The following TJP1 variants were observed in gnomAD, a reference collection of about 807,000 sequenced individuals.
TJP1 encodes the protein tight junction protein ZO-1.
A neutral mutation model predicts 194.2 loss-of-function variants in TJP1; 43 were observed. The ratio of observed to expected loss-of-function variants is 0.22; its 90% CI spans 0.17 to 0.29. The LOEUF (loss-of-function observed/expected upper bound fraction) is 0.29. TJP1 is among the 10% of genes least tolerant of loss of function. The pLI, the probability that TJP1 is intolerant of heterozygous loss-of-function variation, is 1.00. For synonymous variants in TJP1, 801 were observed against 779.0 expected (o/e 1.03, Z -0.47); for missense variants, 1,971 against 2,185.7 (o/e 0.90, Z 1.96).
chr15:29,727,722 CTTGTT>C (rs1425654079), intron 16 of TJP1, among the ~76,000 whole-genome samples: 1 of 152,144 alleles, frequency 6.6e-6, no homozygotes, highest in Non-Finnish European at 1.5e-5. Context: ...AAATCATACA[CTTGTT>C]TTGTGGTAAT....
chr15:29,769,692 G>C (rs138878024), intron 4 of TJP1, among the ~76,000 whole-genome samples: 1 of 152,164 alleles, frequency 6.6e-6, no homozygotes, highest in African/African-American at 2.4e-5. Context: ...TATCACCTAG[G>C]GACGCCACAG....
At chr15:29,758,048 T>A (rs528728780) in intron 8 of TJP1, among the ~76,000 whole-genome samples, 1 of 152,352 alleles carries the variant, frequency 6.6e-6, no homozygotes, top group African/African-American at 2.4e-5. Flanking sequence ...CTCTTATGAT[T>A]TTCTTATTAA....
intron 2 of TJP1, among the ~76,000 whole-genome samples, chr15:29,854,824 C>T (rs2051783246): frequency 1.3e-5 from 2 of 152,070 alleles, no homozygotes; most frequent in South Asian, 4.2e-4. Flanking sequence ...GCTTATGTAA[C>T]CATGAGACCT....
intron 2 of TJP1, among the ~76,000 whole-genome samples, chr15:29,942,202 C>T (rs1358254746): frequency 6.6e-6 from 1 of 152,176 alleles, no homozygotes; most frequent in East Asian, 1.9e-4. Context: ...GAATAAAATT[C>T]TGCCTAAAGT....
At chr15:29,931,790 A>C (rs947631932) in intron 2 of TJP1, among the ~76,000 whole-genome samples, 105 of 152,366 alleles carry the variant, frequency 6.9e-4, no homozygotes, top group Middle Eastern at 3.4e-3. Flanking sequence ...AGGAAAGTAA[A>C]GGAATAAAAG....
intron 2 of TJP1, among the ~76,000 whole-genome samples, chr15:29,911,980 G>A (rs887058730): frequency 1.3e-5 from 2 of 152,054 alleles, no homozygotes; most frequent in African/African-American, 4.8e-5. Flanking sequence ...TAGTCACCTG[G>A]GCTGCTATAA....
At chr15:29,816,299 G>A (rs577757780) in intron 1 of TJP1, among the ~76,000 whole-genome samples, 20 of 152,204 alleles carry the variant, frequency 1.3e-4, no homozygotes, top group African/African-American at 3.9e-4. Flanking sequence ...AAAGTGCAGG[G>A]ATTACATGCT....
At chr15:29,715,865 G>A (rs779177362) in intron 23 of TJP1, among the ~76,000 whole-genome samples, 15 of 152,104 alleles carry the variant, frequency 9.9e-5, no homozygotes, top group Non-Finnish European at 1.9e-4. Context: ...AATTTCTTTT[G>A]ACAAATCCAC....
At chr15:29,768,522 G>A (rs1158066416) in intron 4 of TJP1, among the ~76,000 whole-genome samples, 1 of 152,166 alleles carries the variant, frequency 6.6e-6, no homozygotes, top group Non-Finnish European at 1.5e-5. Flanking sequence ...ATTCCTGTAA[G>A]AGTGCGCCAC....
intron 1 of TJP1, among the ~76,000 whole-genome samples, chr15:29,957,250 C>T (rs1324144215): frequency 6.6e-6 from 1 of 152,144 alleles, no homozygotes; most frequent in Non-Finnish European, 1.5e-5. Context: ...CATATACATA[C>T]AGACACAGTA....
chr15:29,897,679 G>T (rs986537475), intron 2 of TJP1, among the ~76,000 whole-genome samples: 1 of 152,198 alleles, frequency 6.6e-6, no homozygotes, highest in African/African-American at 2.4e-5. Context: ...GGACAGAGCT[G>T]CCCAAGACCA....
At chr15:29,806,414 C>G (rs887887791) in intron 1 of TJP1, among the ~76,000 whole-genome samples, 5 of 152,154 alleles carry the variant, frequency 3.3e-5, no homozygotes, top group African/African-American at 1.2e-4. Context: ...TATCTGACAT[C>G]ATAAAATAAT....
chr15:29,713,788 T>A (rs1336998334), intron 23 of TJP1, among the ~76,000 whole-genome samples: 1 of 152,140 alleles, frequency 6.6e-6, no homozygotes, highest in African/African-American at 2.4e-5. Flanking sequence ...TAAATACCTA[T>A]ATGGGAAAAT....
At chr15:29,880,082 A>G (rs1261039884) in intron 2 of TJP1, among the ~76,000 whole-genome samples, 6 of 152,170 alleles carry the variant, frequency 3.9e-5, no homozygotes, top group Non-Finnish European at 8.8e-5. Flanking sequence ...ACTATATAAT[A>G]TTTACTGCTT....
chr15:29,741,415 T>C lies in TJP1; in HGVS notation c.1172A>G (p.Gln391Arg). ...TAAATCCACATCTGGTTGCCCAACT[T>C]GGGCATACACAGGCTTTGGTTCTAA... is the stretch of plus-strand genomic sequence containing the variant. ...SLPEPKPVYA[Q>R]VGQPDVDLPV... Residue 391 changes from glutamine to arginine, a missense_variant, in exon 10 of 28, where the codon CAA (glutamine) becomes CGA (arginine). Gln to Arg is a conservative substitution (Grantham distance 43). This residue lies in a region of TJP1 where 192 missense variants were observed against 182.3 expected (regional missense o/e 1.05). Transcript: ENST00000614355. The C allele has an allele frequency of 3.1e-6, 5 of 1,607,284 alleles. No homozygotes were observed. The highest frequency in any genetic ancestry group is 4.2e-6 in the Non-Finnish European group (5 of 1,177,878).
rs1424294405 is a variant in TJP1, at chr15:29,737,193, C to T, written c.1407+71G>A. ...ATTACAATCTAATTACAATAGTAAG[C>T]TTGTTGTTTGATACCTTTTTCTGGT... On this transcript the variant is annotated intron_variant, in intron 11 of 27. Transcript: ENST00000614355. The T allele has an allele frequency of 5.8e-6, 9 of 1,547,286 alleles. No individual in the cohort carries two copies. The Admixed American group carries it at 1.2e-4, about 21-fold the overall frequency.
At position 29,716,855 on chromosome 15, in the gene TJP1, G is replaced by A; in HGVS notation, c.3975-17C>T. 1 of 1,569,136 alleles carries A rather than the reference G, an allele frequency of 6.4e-7. No individual in the cohort carries two copies. Among genetic ancestry groups the A allele is most frequent in the Non-Finnish European group, 8.7e-7 (1 of 1,146,340 alleles). On this transcript the variant is annotated splice_polypyrimidine_tract_variant and intron_variant, in intron 22 of 27. Coordinates refer to ENST00000614355, the MANE Select transcript of TJP1 (RefSeq NM_001330239.4). ...TCTGGGATCCTAACAGATAATGAATGACAAACGGAACACCTTTTTAAATAT... is the reference window on the plus strand; with the variant it reads ...TCTGGGATCCTAACAGATAATGAATAACAAACGGAACACCTTTTTAAATAT...
chr15:29,913,226 G>A (rs2054079506), intron 2 of TJP1, among the ~76,000 whole-genome samples: 1 of 152,040 alleles, frequency 6.6e-6, no homozygotes, highest in South Asian at 2.1e-4. Flanking sequence ...GGACTTAAAA[G>A]ACCAGATTAA....
chr15:29,924,277 G>A (rs1030615706), intron 2 of TJP1, among the ~76,000 whole-genome samples: 1 of 152,050 alleles, frequency 6.6e-6, no homozygotes, highest in African/African-American at 2.4e-5. Flanking sequence ...TGTTCCTCAG[G>A]CTGGTCTCAA....
Sources: gnomAD v4.1 joint callset for allele counts (sites outside exome capture counted in the v4.1 genomes callset) on GRCh38, gnomAD v4.1.1 for gene constraint, gnomAD v4.1.1 regional missense constraint, MANE v1.5 for transcripts, NCBI Gene and HGNC (gene_info 2026-07-23, HGNC 2026-07-21) for gene names.